Variants in IGSF9 observed in about 807,000 individuals in gnomAD.
IGSF9 encodes the protein immunoglobulin superfamily member 9.
In IGSF9, 87 loss-of-function variants were observed where a neutral mutation model predicts 121.7. That is an observed-to-expected ratio of 0.71 (90% CI 0.60 to 0.85). The LOEUF (loss-of-function observed/expected upper bound fraction) is 0.85. Among genes scored for constraint, IGSF9 ranks in the 40% least tolerant of loss-of-function variants. IGSF9 has a pLI of 0.00. For synonymous variants in IGSF9, 640 were observed against 648.4 expected, an observed-to-expected ratio of 0.99 and a Z score of 0.20; for missense variants, 1,462 against 1,565.3, an observed-to-expected ratio of 0.93 and a Z score of 1.11.
rs775966963 is a variant in IGSF9, at chr1:159,936,909, C to G, written c.401-1G>C. The G allele has an allele frequency of 3.7e-6, 6 of 1,613,880 alleles. No homozygotes were observed. In the African/African-American group the frequency reaches 8.0e-5, roughly 22 times the overall value. ...GGTGTCTCCTGGAATTGAGGGGGTG[C>G]TGCAAGGGAGACAGGCATCAGGGGC... On this transcript the variant is annotated splice_acceptor_variant, in intron 4 of 20. Transcript: ENST00000368094. LOFTEE classifies it high-confidence loss of function.
chr1:159,932,525 C>A lies in IGSF9; in HGVS notation c.1232G>T (p.Arg411Leu). 6.2e-7 allele frequency: 1 copy of A among 1,613,918 alleles called. No individual in the cohort carries two copies. Among genetic ancestry groups the A allele is most frequent in the South Asian group, 1.1e-5 (1 of 91,082 alleles). Residue 411 changes from arginine (R) to leucine (L), a missense_variant, in exon 10 of 21, where the codon CGC becomes CTC. Coordinates refer to ENST00000368094, the MANE Select transcript of IGSF9 (RefSeq NM_001135050.2). This position sits in a 1 kb window ranked among gnomAD's most constrained non-coding sequence, Gnocchi z 4.1. ...LGTAGPSPVT[R>L]VLLKAPPAFI... ...CCCCGGCCTAACCTTGAGCAGCACG[C>A]GGGTCACAGGAGAGGGCCCGGCGGT...
chr1:159,928,282 G>C lies in IGSF9; in HGVS notation c.3106C>G (p.Pro1036Ala). ...SGRGSASFLRPPSTAPSAGGS... is the reference protein window; with the variant it reads ...SGRGSASFLRAPSTAPSAGGS... ...CCTGCAGAGGGGGCTGTGGAGGGGG[G>C]CCGCAGGAACGAAGCGCTGCCTCGC... The change falls in exon 19 of 21, where the codon CCC becomes GCC. Residue 1036 changes from proline to alanine, a missense_variant. Physicochemically the swap from Pro to Ala is conservative, Grantham distance 27. Coordinates refer to ENST00000368094, the MANE Select transcript of IGSF9 (RefSeq NM_001135050.2). The C allele has an allele frequency of 6.2e-7, 1 of 1,612,642 alleles. No homozygotes were observed. Among genetic ancestry groups the C allele is most frequent in the Non-Finnish European group, 8.5e-7 (1 of 1,179,718 alleles).
intron 20 of IGSF9, 98 bp from the exon 21 acceptor site, chr1:159,927,624 C>G: frequency 6.5e-7 from 1 of 1,542,564 alleles, no homozygotes; most frequent in Admixed American, 1.8e-5. Flanking sequence ...TACAGATGGC[C>G]CAAGGGGGCA....
chr1:159,934,761 T>G lies in IGSF9; in HGVS notation c.735A>C (p.Ser245=), dbSNP rs747043750. The change falls in exon 7 of 21, where the codon TCA becomes TCC. Residue 245 remains serine, a synonymous_variant. Transcript: ENST00000368094. Reference sequence around the variant, plus strand: ...GGTATGCCTCAGCATGGCAGGCCAATGAAACATCCTGGGAGGCATTGACTG... The same window carrying G: ...GGTATGCCTCAGCATGGCAGGCCAAGGAAACATCCTGGGAGGCATTGACTG... ...NSTVNASQDV[S]LACHAEAYPA... 1 of 1,614,142 alleles carries G rather than the reference T, an allele frequency of 6.2e-7. No homozygotes were observed. Among genetic ancestry groups the G allele is most frequent in the Non-Finnish European group, 8.5e-7 (1 of 1,179,996 alleles).
chr1:159,933,932 T>A, intron 9 of IGSF9: 1 of 527,880 alleles, frequency 1.9e-6, no homozygotes, highest in East Asian at 3.4e-5. Context: ...TTCTTGACTC[T>A]TTGCCATCAT....
chr1:159,943,481 C>T lies in IGSF9; in HGVS notation c.-27G>A. Reference sequence around the variant, plus strand: ...GCCCAGCTGGCCTGCTCACCCAGCCCCTCCTATCCACAGGAGCCCAGATGG... The same window carrying T: ...GCCCAGCTGGCCTGCTCACCCAGCCTCTCCTATCCACAGGAGCCCAGATGG... On this transcript the variant is annotated 5_prime_UTR_variant, in exon 2 of 21. Coordinates refer to ENST00000368094, the MANE Select transcript of IGSF9 (RefSeq NM_001135050.2). 1.3e-6 allele frequency: 2 copies of T among 1,531,254 alleles called. No individual in the cohort carries two copies. Among genetic ancestry groups the T allele is most frequent in the Non-Finnish European group, 1.8e-6 (2 of 1,139,474 alleles). The allele number at this position is 1,531,254 out of a possible 1,614,324, so 94.9% of individuals were successfully genotyped here. A position where few individuals can be genotyped will look rare whatever the true frequency, so the allele number is the denominator to read the frequency against.
intron 18 of IGSF9, 75 bp from the exon 19 acceptor site, chr1:159,929,093 A>G: frequency 6.8e-7 from 1 of 1,471,500 alleles, no homozygotes; most frequent in Non-Finnish European, 9.0e-7. Flanking sequence ...AGGCCTTGAG[A>G]GGTTTGGTGA....
Position 159,929,784 on chromosome 1 carries a change from A to AGCT in IGSF9, c.2177_2179dup (p.Gln726dup), listed in dbSNP as rs1432556682. 6.2e-7 allele frequency: 1 copy of AGCT among 1,606,532 alleles called. No individual in the cohort carries two copies. Among genetic ancestry groups the AGCT allele is most frequent in the Non-Finnish European group, 8.5e-7 (1 of 1,177,246 alleles). ...CACGGGCTGAGGCAGGAGGCCCGGCAGCTGCGTGCGCGAAGGGTAGACCTC... is the reference window on the plus strand; with the variant it reads ...CACGGGCTGAGGCAGGAGGCCCGGCAGCTGCTGCGTGCGCGAAGGGTAGACCTC... On this transcript the variant is annotated inframe_insertion, in exon 17 of 21. Coordinates refer to ENST00000368094, the MANE Select transcript of IGSF9 (RefSeq NM_001135050.2).
intron 20 of IGSF9, 98 bp from the exon 21 acceptor site, chr1:159,927,624 C>T: frequency 1.9e-6 from 3 of 1,542,564 alleles, no homozygotes; most frequent in Non-Finnish European, 2.6e-6. Context: ...TACAGATGGC[C>T]CAAGGGGGCA....
intron 3 of IGSF9, among the ~76,000 whole-genome samples, chr1:159,941,743 AC>A (rs1651387036): frequency 6.6e-6 from 1 of 151,816 alleles, no homozygotes; most frequent in Non-Finnish European, 1.5e-5. Flanking sequence ...GCAGCCCGAG[AC>A]CCCTCCCAGG....
In IGSF9 at chr1:159,927,076, T is replaced by TCACACACACACACACACA. The variant is rs138111490; in HGVS notation, c.*251_*268dup. 3.6e-5 allele frequency: 13 copies of TCACACACACACACACACA among 362,148 alleles called. No individual in the cohort carries two copies. Among genetic ancestry groups the TCACACACACACACACACA allele is most frequent in the Non-Finnish European group, 5.9e-5 (12 of 203,076 alleles). The allele number at this position is 362,148 out of a possible 1,614,324, so 22.4% of individuals were successfully genotyped here. Reference sequence around the variant, plus strand: ...TTTGTTTATTCACCTGTAAAAAACTTCACACACACACACACACACACAGAG... The same window carrying TCACACACACACACACACA: ...TTTGTTTATTCACCTGTAAAAAACTTCACACACACACACACACACACACACACACACACACACACAGAG... On this transcript the variant is annotated 3_prime_UTR_variant, in exon 21 of 21. Coordinates refer to ENST00000368094, the MANE Select transcript of IGSF9 (RefSeq NM_001135050.2).
Position 159,936,488 on chromosome 1 carries a change from C to G in IGSF9, c.584G>C (p.Arg195Pro), listed in dbSNP as rs144272319. The G allele has an allele frequency of 3.1e-6, 5 of 1,614,002 alleles. No homozygotes were observed. Among genetic ancestry groups the G allele is most frequent in the Non-Finnish European group, 3.4e-6 (4 of 1,179,996 alleles). ...QVQNGTLRIR[R>P]VERGSSGVYT... ...GACCCCAGAGCTGCCTCGCTCTACCCGGCGGATCCGCAGCGTCCCGTTCTG... is the reference window on the plus strand; with the variant it reads ...GACCCCAGAGCTGCCTCGCTCTACCGGGCGGATCCGCAGCGTCCCGTTCTG... Residue 195 changes from arginine (R) to proline (P), a missense_variant, in exon 6 of 21, where the codon CGG becomes CCG. Transcript: ENST00000368094.
In IGSF9 at chr1:159,931,689, C is replaced by T; in HGVS notation, c.1363-86G>A. The T allele has an allele frequency of 6.5e-7, 1 of 1,535,514 alleles. No individual in the cohort carries two copies. The highest frequency in any genetic ancestry group is 8.9e-7 in the Non-Finnish European group (1 of 1,127,424). On this transcript the variant is annotated intron_variant, in intron 11 of 20. Transcript: ENST00000368094. The surrounding 1 kb of genome is among the most constrained non-coding windows in gnomAD (Gnocchi z 4.8). ...TCATCTCTCCAGGCAGCTCCAGTTC[C>T]TCCCCACCCTGCCTCTGACAGCCTT...
chr1:159,942,853 G>T, intron 3 of IGSF9, 110 bp downstream of exon 3: 1 of 817,502 alleles, frequency 1.2e-6, no homozygotes, highest in South Asian at 1.6e-5. Context: ...CAGAGCTGGA[G>T]ATGAGATCAG....
chr1:159,930,546 G>T lies in IGSF9; in HGVS notation c.1814-107C>A, dbSNP rs1480363887. ...CTTCTCCCAGAACCCCTGAAGACAA[G>T]CTCAAATCATCTTCCACACACCCCT... On this transcript the variant is annotated intron_variant, in intron 14 of 20. Coordinates refer to ENST00000368094, the MANE Select transcript of IGSF9 (RefSeq NM_001135050.2). 3.0e-5 allele frequency: 46 copies of T among 1,520,824 alleles called. No individual in the cohort carries two copies. The South Asian group carries it at 3.1e-4, about 10-fold the overall frequency. The allele number at this position is 1,520,824 out of a possible 1,614,324, so 94.2% of individuals were successfully genotyped here. A position where few individuals can be genotyped will look rare whatever the true frequency, so the allele number is the denominator to read the frequency against.
intron 14 of IGSF9, 29 bp from the exon 15 acceptor site, chr1:159,930,468 C>G: frequency 6.6e-7 from 1 of 1,520,110 alleles, no homozygotes; most frequent in Non-Finnish European, 8.8e-7. Context: ...CAGGTCAGAG[C>G]AAGGATTCCC....
At chr1:159,939,763 T>C (rs1275999814) in intron 3 of IGSF9, among the ~76,000 whole-genome samples, 1 of 152,194 alleles carries the variant, frequency 6.6e-6, no homozygotes, top group Non-Finnish European at 1.5e-5. Flanking sequence ...CTTTTTCTAC[T>C]TAGAATGAGT....
At chr1:159,941,153 G>T (rs1446593008) in intron 3 of IGSF9, among the ~76,000 whole-genome samples, 1 of 152,116 alleles carries the variant, frequency 6.6e-6, no homozygotes, top group East Asian at 1.9e-4. Flanking sequence ...CTTCTGTGTG[G>T]TCCCTAATCC....
At chr1:159,937,647 TC>T in intron 4 of IGSF9, 38 bp downstream of exon 4, 2 of 1,598,658 alleles carry the variant, frequency 1.3e-6, no homozygotes, top group South Asian at 1.1e-5. Flanking sequence ...ATCCTCCTCC[TC>T]CCCGTCCTTC....
Sources: gnomAD v4.1 joint callset for allele counts (sites outside exome capture counted in the v4.1 genomes callset) on GRCh38, gnomAD v4.1.1 for gene constraint, Gnocchi (gnomAD v3.1) non-coding constraint, MANE v1.5 for transcripts, NCBI Gene and HGNC (gene_info 2026-07-23, HGNC 2026-07-21) for gene names.